KCNH5: variants seen among roughly 807,000 people sequenced by gnomAD.
KCNH5 encodes the protein potassium voltage-gated channel subfamily H member 5.
KCNH5 carries 46 observed loss-of-function variants against 96.1 expected under a neutral mutation model. The ratio of observed to expected loss-of-function variants is 0.48; its 90% CI spans 0.38 to 0.61. The LOEUF is 0.61. Ranked by LOEUF, KCNH5 falls within the 20% of genes least tolerant of loss-of-function variation. The pLI is 0.00. For synonymous variants in KCNH5, 439 were observed against 449.8 expected, an observed-to-expected ratio of 0.98 and a Z score of 0.30; for missense variants, 907 against 1,225.8, an observed-to-expected ratio of 0.74 and a Z score of 3.88.
At chr14:62,744,930 T>C (rs986086539) in intron 10 of KCNH5, among the ~76,000 whole-genome samples, 8 of 152,152 alleles carry the variant, frequency 5.3e-5, no homozygotes, top group African/African-American at 1.9e-4. Flanking sequence ...CCTTCCAATC[T>C]GAAGGACTGT....
At chr14:62,889,137 T>C (rs754558900) in intron 7 of KCNH5, among the ~76,000 whole-genome samples, 21 of 152,170 alleles carry the variant, frequency 1.4e-4, no homozygotes, top group Admixed American at 5.2e-4. Context: ...TACCACACCC[T>C]AGGTGATATA....
intron 10 of KCNH5, among the ~76,000 whole-genome samples, chr14:62,721,499 G>T (rs200041311): frequency 0.013 from 1,877 of 149,338 alleles, 17 homozygotes; most frequent in Non-Finnish European, 0.018. Flanking sequence ...TCACTCACTC[G>T]CTCTCTCTCT....
At chr14:63,010,135 T>C (rs1891198560) in intron 2 of KCNH5, among the ~76,000 whole-genome samples, 1 of 152,176 alleles carries the variant, frequency 6.6e-6, no homozygotes, top group Admixed American at 6.6e-5. Flanking sequence ...ATCTCTGTTA[T>C]AATATTGGGC....
intron 7 of KCNH5, among the ~76,000 whole-genome samples, chr14:62,948,134 A>C (rs1889928810): frequency 6.6e-6 from 1 of 152,120 alleles, no homozygotes; most frequent in Non-Finnish European, 1.5e-5. Flanking sequence ...AATTTCATCC[A>C]TGTCCCTACA....
intron 1 of KCNH5, among the ~76,000 whole-genome samples, 193 bp downstream of exon 1, chr14:63,044,921 T>G (rs1283331347): frequency 6.6e-6 from 1 of 152,064 alleles, no homozygotes; most frequent in Non-Finnish European, 1.5e-5. Flanking sequence ...AGGAAGGGGA[T>G]GCAACTAACT....
intron 4 of KCNH5, among the ~76,000 whole-genome samples, chr14:62,990,620 T>C (rs111551156): frequency 2.0e-5 from 3 of 152,092 alleles, no homozygotes; most frequent in African/African-American, 4.8e-5. Flanking sequence ...TAAATCAGCA[T>C]ATTCTGAGTA....
Position 62,990,657 on chromosome 14 carries a change from G to C in KCNH5, c.434-3470C>G, listed in dbSNP as rs1490444772. 3.9e-5 allele frequency among the ~76,000 whole-genome samples: 6 copies of C among 152,118 alleles called. 1 individual carries two copies. The highest frequency in any genetic ancestry group is 4.1e-4 in the South Asian group (2 of 4,820). ...GACTACCCTTGAACATAGATGAAAA[G>C]GGAAGTGACTGCATCGTGCGACTTT... is the stretch of plus-strand genomic sequence containing the variant. On this transcript the variant is annotated intron_variant, in intron 4 of 10. Transcript: ENST00000322893.
chr14:62,985,277 CCAA>C, intron 5 of KCNH5, among the ~76,000 whole-genome samples: 2 of 152,106 alleles, frequency 1.3e-5, no homozygotes, highest in East Asian at 3.9e-4. Context: ...TCATCTTTCC[CCAA>C]GCTAACAGTG....
At chr14:62,722,155 C>T (rs1884829841) in intron 10 of KCNH5, among the ~76,000 whole-genome samples, 3 of 152,124 alleles carry the variant, frequency 2.0e-5, no homozygotes, top group African/African-American at 7.2e-5. Flanking sequence ...AAACCCTCAC[C>T]CTCATGTTCT....
chr14:62,715,077 AG>A (rs1884655048), intron 10 of KCNH5, among the ~76,000 whole-genome samples: 2 of 149,548 alleles, frequency 1.3e-5, no homozygotes, highest in Non-Finnish European at 3.0e-5. Context: ...AAGTGATAAA[AG>A]CTTCTTAAAC....
At chr14:62,943,979 T>C (rs1889839215) in intron 7 of KCNH5, among the ~76,000 whole-genome samples, 1 of 152,160 alleles carries the variant, frequency 6.6e-6, no homozygotes, top group Non-Finnish European at 1.5e-5. Flanking sequence ...AAAAGTATCC[T>C]GGGACCCTGC....
chr14:62,952,341 G>A (rs1890022924), intron 6 of KCNH5, among the ~76,000 whole-genome samples: 1 of 152,200 alleles, frequency 6.6e-6, no homozygotes. Context: ...TCAGTGACAT[G>A]AGATGTTGGA....
Position 62,908,178 on chromosome 14 carries a change from G to A in KCNH5, c.1369+41955C>T, listed in dbSNP as rs573145731. On this transcript the variant is annotated intron_variant, in intron 7 of 10. Coordinates refer to ENST00000322893, the MANE Select transcript of KCNH5 (RefSeq NM_139318.5). ...AAAGGGGAAAAAAACAGTTTGTTAAGCATCAATATGTAGTAAATAGGAGGC... is the reference window on the plus strand; with the variant it reads ...AAAGGGGAAAAAAACAGTTTGTTAAACATCAATATGTAGTAAATAGGAGGC... Among the ~76,000 whole-genome samples the A allele has an allele frequency of 3.3e-5, 5 of 152,258 alleles. No homozygotes were observed. In the South Asian group the frequency reaches 1.0e-3, roughly 32 times the overall value.
chr14:63,031,019 A>G (rs1891615262), intron 1 of KCNH5, among the ~76,000 whole-genome samples: 1 of 152,118 alleles, frequency 6.6e-6, no homozygotes, highest in Non-Finnish European at 1.5e-5. Flanking sequence ...CAAGATCCTC[A>G]GGTGACCCCA....
At chr14:62,782,609 G>C (rs1886241807) in intron 9 of KCNH5, among the ~76,000 whole-genome samples, 1 of 152,116 alleles carries the variant, frequency 6.6e-6, no homozygotes, top group South Asian at 2.1e-4. Flanking sequence ...AGAAGATCGA[G>C]ACCATCCTGG....
intron 8 of KCNH5, among the ~76,000 whole-genome samples, chr14:62,825,804 T>A (rs2140022360): frequency 6.6e-6 from 1 of 152,142 alleles, no homozygotes; most frequent in East Asian, 1.9e-4. Context: ...TCTCTTGCTT[T>A]TATCCTTCGT....
At chr14:62,857,863 A>G (rs1030235209) in intron 7 of KCNH5, among the ~76,000 whole-genome samples, 4 of 152,136 alleles carry the variant, frequency 2.6e-5, no homozygotes, top group Non-Finnish European at 5.9e-5. Flanking sequence ...ATTATTACCC[A>G]TCACAAGTCC....
chr14:63,028,405 C>T (rs1891564193), intron 1 of KCNH5, among the ~76,000 whole-genome samples: 1 of 152,096 alleles, frequency 6.6e-6, no homozygotes, highest in South Asian at 2.1e-4. Context: ...GGTATTGGGC[C>T]TGATGTTGTA....
intron 8 of KCNH5, among the ~76,000 whole-genome samples, chr14:62,803,843 T>C (rs1886712740): frequency 6.6e-6 from 1 of 152,202 alleles, no homozygotes; most frequent in African/African-American, 2.4e-5. Flanking sequence ...TGTAAACTAT[T>C]CTTTATAGCC....
Sources: allele counts gnomAD v4.1 joint callset (sites outside exome capture counted in the v4.1 genomes callset), GRCh38; gene constraint gnomAD v4.1.1; transcripts MANE v1.5; gene names NCBI Gene and HGNC (gene_info 2026-07-23, HGNC 2026-07-21).